The following ZHX3 variants were observed in gnomAD, a reference collection of about 807,000 sequenced individuals.
ZHX3 encodes zinc fingers and homeoboxes 3.
A neutral mutation model predicts 64.5 loss-of-function variants in ZHX3; 20 were observed. That is an observed-to-expected ratio of 0.31 (90% CI 0.22 to 0.45). ZHX3 has a LOEUF of 0.45. Among genes scored for constraint, ZHX3 ranks in the 20% least tolerant of loss-of-function variants. The pLI is 1.00. For missense variants in ZHX3, 1,041 were observed against 1,195.8 expected (o/e 0.87, Z 1.91); for synonymous variants, 423 against 461.6 (o/e 0.92, Z 1.07).
chr20:41,288,257 C>G (rs1020690283), intron 1 of ZHX3, among the ~76,000 whole-genome samples: 1 of 152,144 alleles, frequency 6.6e-6, no homozygotes, highest in Non-Finnish European at 1.5e-5. Context: ...TGGCCTCAAG[C>G]AATCCACCCA....
intron 3 of ZHX3, among the ~76,000 whole-genome samples, chr20:41,197,532 T>C (rs1013575019): frequency 1.3e-5 from 2 of 151,650 alleles, no homozygotes; most frequent in African/African-American, 4.8e-5. Flanking sequence ...TTTTCTATCC[T>C]TTTACTTTCA....
chr20:41,265,992 T>C (rs1026463046), intron 2 of ZHX3, among the ~76,000 whole-genome samples: 9 of 152,064 alleles, frequency 5.9e-5, no homozygotes, highest in East Asian at 3.9e-4. Context: ...ATGGTAGCAA[T>C]AGATAATTAT....
At chr20:41,205,775 C>A (rs934330228) in intron 2 of ZHX3, among the ~76,000 whole-genome samples, 1 of 152,180 alleles carries the variant, frequency 6.6e-6, no homozygotes, top group African/African-American at 2.4e-5. Context: ...GCCCAGCAAG[C>A]TATACATTTT....
intron 1 of ZHX3, among the ~76,000 whole-genome samples, chr20:41,297,687 T>TG (rs1168757904): frequency 6.6e-6 from 1 of 152,068 alleles, no homozygotes; most frequent in Non-Finnish European, 1.5e-5. Flanking sequence ...AGTGAGGAAA[T>TG]GGGGACCTAG....
At chr20:41,245,632 C>T (rs1278289650) in intron 2 of ZHX3, among the ~76,000 whole-genome samples, 3 of 152,236 alleles carry the variant, frequency 2.0e-5, no homozygotes, top group East Asian at 3.8e-4. Context: ...TCAGCAGCCA[C>T]TAGAGGAAAG....
chr20:41,281,668 C>G (rs943195116), intron 1 of ZHX3, among the ~76,000 whole-genome samples: 1 of 152,174 alleles, frequency 6.6e-6, no homozygotes, highest in Non-Finnish European at 1.5e-5. Flanking sequence ...AGGATGACTT[C>G]CTCCAGGAAC....
chr20:41,204,166 G>A lies in ZHX3; in HGVS notation c.751C>T (p.His251Tyr), dbSNP rs770098388. The change falls in exon 3 of 4, where the codon CAT becomes TAT. Residue 251 changes from histidine (H) to tyrosine (Y), a missense_variant. His to Tyr is a moderately conservative substitution (Grantham distance 83). Coordinates refer to ENST00000683867, the MANE Select transcript of ZHX3 (RefSeq NM_001384317.1). The surrounding 1 kb of genome is among the most constrained non-coding windows in gnomAD (Gnocchi z 6.6). ...CCTATCAGGGGCCCGTTGGCGGCAT[G>A]GGGGTTTTTTGCAGAGCTGGCAGAT... ...QASASSAKNP[H>Y]AANGPLIGTV... 7 of 1,608,844 alleles carry A rather than the reference G, an allele frequency of 4.4e-6. No homozygotes were observed. In the South Asian group the frequency reaches 4.4e-5, roughly 10 times the overall value.
chr20:41,255,252 C>T lies in ZHX3; in HGVS notation c.-151+13738G>A, dbSNP rs550584080. On this transcript the variant is annotated intron_variant, in intron 2 of 3. Coordinates refer to ENST00000683867, the MANE Select transcript of ZHX3 (RefSeq NM_001384317.1). Reference sequence around the variant, plus strand: ...CTGCAAGCTCCGCCTCCTGGGTTCACGCCATTCTCTTGCCTCAGCCTCCTG... The same window carrying T: ...CTGCAAGCTCCGCCTCCTGGGTTCATGCCATTCTCTTGCCTCAGCCTCCTG... Among the ~76,000 whole-genome samples, 301 of 152,212 alleles carry T rather than the reference C, an allele frequency of 2.0e-3. 1 individual carries two copies. The highest frequency in any genetic ancestry group is 6.9e-3 in the African/African-American group (285 of 41,554).
At chr20:41,311,573 T>G (rs751595771) in intron 1 of ZHX3, among the ~76,000 whole-genome samples, 2 of 152,234 alleles carry the variant, frequency 1.3e-5, no homozygotes, top group African/African-American at 4.8e-5. Context: ...GGGATTAATA[T>G]TGCAGCATAT....
chr20:41,216,588 G>A (rs1427688775), intron 2 of ZHX3, among the ~76,000 whole-genome samples: 3 of 152,016 alleles, frequency 2.0e-5, no homozygotes, highest in Non-Finnish European at 4.4e-5. Flanking sequence ...CAGCATTCTA[G>A]GTTATGGATG....
Position 41,203,475 on chromosome 20 carries a change from G to A in ZHX3, c.1442C>T (p.Thr481Met), listed in dbSNP as rs200141685. Residue 481 changes from threonine (T) to methionine (M), a missense_variant, in exon 3 of 4, where the codon ACG (threonine) becomes ATG (methionine). Thr to Met is a moderately conservative substitution (Grantham distance 81). This residue lies in a region of ZHX3 where 649 missense variants were observed against 739.8 expected (regional missense o/e 0.88). Coordinates refer to ENST00000683867, the MANE Select transcript of ZHX3 (RefSeq NM_001384317.1). The surrounding 1 kb of genome is among the most constrained non-coding windows in gnomAD (Gnocchi z 7.1). Reference sequence around the variant, plus strand: ...TTGGGAGGTTATGCTGGGGCAGGCCGTGAGGAGCGACTGGGCCGCATTGAC... The same window carrying A: ...TTGGGAGGTTATGCTGGGGCAGGCCATGAGGAGCGACTGGGCCGCATTGAC... ...KVVNAAQSLLTACPSITSQAF... is the reference protein window; with the variant it reads ...KVVNAAQSLLMACPSITSQAF... 1.4e-5 allele frequency: 23 copies of A among 1,614,100 alleles called. No individual in the cohort carries two copies. Among genetic ancestry groups the A allele is most frequent in the East Asian group, 2.2e-5 (1 of 44,894 alleles).
At chr20:41,247,395 A>C (rs1438008792) in intron 2 of ZHX3, among the ~76,000 whole-genome samples, 3 of 152,210 alleles carry the variant, frequency 2.0e-5, no homozygotes, top group African/African-American at 7.2e-5. Context: ...TTCCTAGTGT[A>C]GGTCATTTGG....
At chr20:41,284,933 C>T (rs1285582118) in intron 1 of ZHX3, among the ~76,000 whole-genome samples, 1 of 152,088 alleles carries the variant, frequency 6.6e-6, no homozygotes, top group African/African-American at 2.4e-5. Context: ...ATAGTTTTTC[C>T]CCTTACTATC....
At chr20:41,300,931 G>A (rs567919801) in intron 1 of ZHX3, among the ~76,000 whole-genome samples, 1 of 152,326 alleles carries the variant, frequency 6.6e-6, no homozygotes, top group African/African-American at 2.4e-5. Flanking sequence ...CGCTCACAGT[G>A]TGAAGGAACG....
At chr20:41,240,541 G>A (rs1685367861) in intron 2 of ZHX3, among the ~76,000 whole-genome samples, 1 of 152,074 alleles carries the variant, frequency 6.6e-6, no homozygotes, top group South Asian at 2.1e-4. Flanking sequence ...GAATTATACT[G>A]TTATTTGTAA....
At position 41,201,513 on chromosome 20, in the gene ZHX3, C is replaced by T. The variant is rs539475315; in HGVS notation, c.2860+544G>A. 7 of 547,530 alleles carry T rather than the reference C, an allele frequency of 1.3e-5. No homozygotes were observed. In the South Asian group the frequency reaches 1.3e-4, roughly 10 times the overall value. The allele number at this position is 547,530 out of a possible 1,614,324, so 33.9% of individuals were successfully genotyped here. On this transcript the variant is annotated intron_variant, in intron 3 of 3. Transcript: ENST00000683867. This position sits in a 1 kb window ranked among gnomAD's most constrained non-coding sequence, Gnocchi z 5.0. ...GAGAAACTGAGGAACAAAATTCAAG[C>T]TTTTGATTCCATGTATGTCAAAGAA...
rs1002619627 is a variant in ZHX3 at position 41,232,499 on chromosome 20, C to T, written c.-150-27433G>A. Among the ~76,000 whole-genome samples, 1 of 152,136 alleles carries T rather than the reference C, an allele frequency of 6.6e-6. No homozygotes were observed. On this transcript the variant is annotated intron_variant, in intron 2 of 3. Transcript: ENST00000683867. This position sits in a 1 kb window ranked among gnomAD's most constrained non-coding sequence, Gnocchi z 5.0. ...AACTGGCTAGTCCTCAAATGAATCA[C>T]GTAGCATACAACCACAGGAGTGGAA... is the stretch of plus-strand genomic sequence containing the variant.
Position 41,195,837 on chromosome 20 carries a change from C to A in ZHX3, c.2860+6220G>T, listed in dbSNP as rs2037439069. Among the ~76,000 whole-genome samples the A allele has an allele frequency of 6.6e-6, 1 of 152,098 alleles. No homozygotes were observed. Among genetic ancestry groups the A allele is most frequent in the African/African-American group, 2.4e-5 (1 of 41,418 alleles). On this transcript the variant is annotated intron_variant, in intron 3 of 3. Coordinates refer to ENST00000683867, the MANE Select transcript of ZHX3 (RefSeq NM_001384317.1). The surrounding 1 kb of genome is among the most constrained non-coding windows in gnomAD (Gnocchi z 4.2). ...TTGTCTCAAGGTATTTTTTACTTTC[C>A]CTTATGATTTCTTTGACCCATTAGT...
At chr20:41,313,307 G>C (rs2045195195) in intron 1 of ZHX3, among the ~76,000 whole-genome samples, 1 of 152,132 alleles carries the variant, frequency 6.6e-6, no homozygotes, top group African/African-American at 2.4e-5. Flanking sequence ...AGCTAAAACT[G>C]CAAGTCTGGA....
Sources: allele counts gnomAD v4.1 joint callset (sites outside exome capture counted in the v4.1 genomes callset), GRCh38; gene constraint gnomAD v4.1.1; regional missense constraint gnomAD v4.1.1; non-coding constraint Gnocchi (gnomAD v3.1); transcripts MANE v1.5; gene names NCBI Gene and HGNC (gene_info 2026-07-23, HGNC 2026-07-21).